The following REXO5 variants were observed in gnomAD, a reference collection of about 807,000 sequenced individuals.
REXO5 encodes the protein exonuclease NEF-sp.
Under a neutral mutation model 88.5 loss-of-function variants are expected in REXO5, and 48 were observed. The observed-to-expected ratio is 0.54, with a 90% CI of 0.43 to 0.69. The LOEUF is 0.69. REXO5 is among the 30% of genes least tolerant of loss of function. The probability of loss-of-function intolerance (pLI) is 0.00; values close to 1 mark genes in which losing one functional copy is unlikely to be tolerated. For synonymous variants in REXO5, 311 were observed against 336.5 expected (o/e 0.92, Z 0.83); for missense variants, 749 against 912.2 (o/e 0.82, Z 2.30).
chr16:20,837,607 T>C (rs2081453147), intron 13 of REXO5, among the ~76,000 whole-genome samples: 1 of 152,222 alleles, frequency 6.6e-6, no homozygotes, highest in Non-Finnish European at 1.5e-5. Flanking sequence ...TCTTGACAAC[T>C]TGTAGTTGCT....
intron 13 of REXO5, among the ~76,000 whole-genome samples, chr16:20,833,534 GT>G (rs551375806): frequency 4.0e-5 from 6 of 151,214 alleles, no homozygotes; most frequent in South Asian, 2.1e-4. Context: ...ATCTGTGTTT[GT>G]TTTTTTTTAA....
chr16:20,830,881 A>G (rs2081331343), intron 11 of REXO5, among the ~76,000 whole-genome samples: 1 of 152,138 alleles, frequency 6.6e-6, no homozygotes, highest in Non-Finnish European at 1.5e-5. Flanking sequence ...TCTGGGTTAC[A>G]ATATCTATCA....
At chr16:20,814,853 C>G in intron 3 of REXO5, 74 bp from the exon 4 acceptor site, 1 of 1,439,720 alleles carries the variant, frequency 6.9e-7, no homozygotes, top group Non-Finnish European at 9.3e-7. Context: ...GCCTTCTCCC[C>G]TATTTCCCCT....
Position 20,824,434 on chromosome 16 carries a change from C to T in REXO5, c.617-5C>T, listed in dbSNP as rs2081230893. 6.4e-7 allele frequency: 1 copy of T among 1,553,948 alleles called. No homozygotes were observed. The highest frequency in any genetic ancestry group is 2.2e-5 in the East Asian group (1 of 44,548). On this transcript the variant is annotated splice_region_variant and splice_polypyrimidine_tract_variant and intron_variant, in intron 6 of 19. Coordinates refer to ENST00000261377, the MANE Select transcript of REXO5 (RefSeq NM_030941.3). ...AGGCAAACATTTTCTTCCTTTTTCTCCTAGGTTTTCCTGATTGTGAAAACT... is the reference window on the plus strand; with the variant it reads ...AGGCAAACATTTTCTTCCTTTTTCTTCTAGGTTTTCCTGATTGTGAAAACT...
chr16:20,846,957 A>G (rs2081616539), intron 19 of REXO5, among the ~76,000 whole-genome samples: 2 of 152,184 alleles, frequency 1.3e-5, no homozygotes, highest in South Asian at 2.1e-4. Flanking sequence ...TTAAAGAAAA[A>G]CTGATATTAA....
intron 4 of REXO5, among the ~76,000 whole-genome samples, chr16:20,815,754 A>G (rs2081072375): frequency 6.6e-6 from 1 of 152,202 alleles, no homozygotes; most frequent in African/African-American, 2.4e-5. Context: ...GTGAACCTGA[A>G]GCTGAAGCTC....
chr16:20,820,618 C>T (rs1483839852), intron 5 of REXO5, among the ~76,000 whole-genome samples: 1 of 119,240 alleles, frequency 8.4e-6, no homozygotes, highest in African/African-American at 3.3e-5. Context: ...GGCAGGAGTG[C>T]AGTGGCACAA....
In REXO5 at chr16:20,814,938, T is replaced by C; in HGVS notation, c.263T>C (p.Leu88Pro). The C allele has an allele frequency of 6.2e-7, 1 of 1,612,314 alleles. No individual in the cohort carries two copies. Among genetic ancestry groups the C allele is most frequent in the Non-Finnish European group, 8.5e-7 (1 of 1,179,366 alleles). ...SNVPKPSWCQLFHQNHLNNVV... is the reference protein window; with the variant it reads ...SNVPKPSWCQPFHQNHLNNVV... ...TGATTTCTTGGCAGCTGGTGCCAGC[T>C]TTTTCATCAAAACCACCTAAACAAC... is the stretch of plus-strand genomic sequence containing the variant. Residue 88 changes from leucine (L) to proline (P), a missense_variant, in exon 4 of 20, where the codon CTT (leucine) becomes CCT (proline). Physicochemically the swap from Leu to Pro is moderately conservative, Grantham distance 98. Transcript: ENST00000261377.
At chr16:20,846,147 A>C in intron 18 of REXO5, 74 bp from the exon 19 acceptor site, 1 of 1,147,090 alleles carries the variant, frequency 8.7e-7, no homozygotes, top group Non-Finnish European at 1.3e-6. Context: ...GAGGCAGAGG[A>C]AGAGTGTTGC....
intron 5 of REXO5, among the ~76,000 whole-genome samples, chr16:20,820,187 C>T (rs1041673146): frequency 2.6e-5 from 4 of 152,108 alleles, no homozygotes; most frequent in Admixed American, 1.3e-4. Context: ...AATTATGCTC[C>T]TGTCTCAACT....
intron 3 of REXO5, 42 bp downstream of exon 3, chr16:20,813,344 C>CTTTTTTCTTTTTTTTT: frequency 1.6e-6 from 1 of 643,328 alleles, no homozygotes; most frequent in Non-Finnish European, 2.5e-6. Context: ...CCAGCGGTTT[C>CTTTTTTCTTTTTTTTT]TTTTTTTTTT....
intron 4 of REXO5, among the ~76,000 whole-genome samples, chr16:20,815,800 T>G (rs1278367599): frequency 2.0e-5 from 3 of 152,218 alleles, no homozygotes; most frequent in African/African-American, 7.2e-5. Flanking sequence ...TCTATTCTGA[T>G]GGCAATGGCA....
At chr16:20,806,925 C>T (rs1327539756) in intron 1 of REXO5, 27 bp from the exon 2 acceptor site, 1 of 1,561,250 alleles carries the variant, frequency 6.4e-7, no homozygotes, top group East Asian at 2.4e-5. Flanking sequence ...TGGAGTTTCC[C>T]CAGCTCTACC....
At chr16:20,821,444 A>G (rs925146634) in intron 5 of REXO5, among the ~76,000 whole-genome samples, 2 of 151,212 alleles carry the variant, frequency 1.3e-5, no homozygotes, top group African/African-American at 4.9e-5. Context: ...CCACCACCAC[A>G]CCCGGCTAAT....
chr16:20,840,443 T>C lies in REXO5; in HGVS notation c.1601T>C (p.Met534Thr). ...AAAAGCTTTGGCCCAGTCCAGTCAA[T>C]GACTTTTGTTCTTGAAACCCGTCAG... is the stretch of plus-strand genomic sequence containing the variant. Reference protein sequence around the residue: ...LFKSFGPVQSMTFVLETRQPH... With the variant: ...LFKSFGPVQSTTFVLETRQPH... Residue 534 changes from methionine (M) to threonine (T), a missense_variant, in exon 15 of 20, where the codon ATG becomes ACG. Transcript: ENST00000261377. 14 of 1,561,178 alleles carry C rather than the reference T, an allele frequency of 9.0e-6. No homozygotes were observed. The highest frequency in any genetic ancestry group is 1.2e-5 in the Non-Finnish European group (14 of 1,142,928).
At chr16:20,816,029 C>A in intron 4 of REXO5, 87 bp from the exon 5 acceptor site, 1 of 994,658 alleles carries the variant, frequency 1.0e-6, no homozygotes, top group Non-Finnish European at 1.6e-6. Flanking sequence ...ACTTTCAAAG[C>A]ACTGAGGTGA....
intron 13 of REXO5, among the ~76,000 whole-genome samples, chr16:20,837,526 T>G (rs2081451646): frequency 6.6e-6 from 1 of 152,194 alleles, no homozygotes; most frequent in Admixed American, 6.5e-5. Flanking sequence ...TTGATTTCAT[T>G]TGTATACTCC....
At chr16:20,840,813 A>G (rs1384689179) in intron 15 of REXO5, among the ~76,000 whole-genome samples, 1 of 152,138 alleles carries the variant, frequency 6.6e-6, no homozygotes, top group Admixed American at 6.5e-5. Context: ...GCTACAAACA[A>G]TTTAAAAACA....
chr16:20,845,114 A>G lies in REXO5; in HGVS notation c.1997A>G (p.Lys666Arg). 6.2e-7 allele frequency: 1 copy of G among 1,614,142 alleles called. No homozygotes were observed. Among genetic ancestry groups the G allele is most frequent in the Non-Finnish European group, 8.5e-7 (1 of 1,180,012 alleles). ...ALNILTGKDW[K>R]LKGRHALTPR... ...AACATTCTCACAGGCAAGGACTGGAAGCTGAAAGGCAGGCATGCCCTAACC... is the reference window on the plus strand; with the variant it reads ...AACATTCTCACAGGCAAGGACTGGAGGCTGAAAGGCAGGCATGCCCTAACC... Residue 666 changes from lysine (K) to arginine (R), a missense_variant, in exon 18 of 20, where the codon AAG (lysine) becomes AGG (arginine). Physicochemically the swap from Lys to Arg is conservative, Grantham distance 26 (BLOSUM62 2). Transcript: ENST00000261377.
Sources: allele counts gnomAD v4.1 joint callset (sites outside exome capture counted in the v4.1 genomes callset), GRCh38; gene constraint gnomAD v4.1.1; transcripts MANE v1.5; gene names NCBI Gene and HGNC (gene_info 2026-07-23, HGNC 2026-07-21).